The following PGM3 variants were observed in gnomAD, a reference collection of about 807,000 sequenced individuals.
The protein encoded by PGM3 is phosphoglucomutase 3.
In PGM3, 40 loss-of-function variants were observed where a neutral mutation model predicts 66.2. The ratio of observed to expected loss-of-function variants is 0.60; its 90% CI spans 0.47 to 0.79. The LOEUF (loss-of-function observed/expected upper bound fraction) is 0.79, where lower values mean the gene tolerates loss of function less well. Ranked by LOEUF, PGM3 falls within the 30% of genes least tolerant of loss-of-function variation. PGM3 has a pLI of 0.00. For synonymous variants in PGM3, 191 were observed against 224.2 expected (o/e 0.85, Z 1.32); for missense variants, 537 against 643.4 (o/e 0.83, Z 1.79).
intron 12 of PGM3, 57 bp from the exon 13 acceptor site, chr6:83,169,380 G>C: frequency 6.3e-7 from 1 of 1,594,674 alleles, no homozygotes; most frequent in Non-Finnish European, 8.6e-7. Flanking sequence ...GTCTAACATG[G>C]GCAAGACCAT....
In PGM3 at chr6:83,167,675, GTAAAAC is replaced by G; in HGVS notation, c.*1553_*1558del. 7.3e-7 allele frequency: 1 copy of G among 1,374,486 alleles called. No individual in the cohort carries two copies. The allele number at this position is 1,374,486 out of a possible 1,614,324, so 85.1% of individuals were successfully genotyped here. On this transcript the variant is annotated 3_prime_UTR_variant, in exon 13 of 13. Transcript: ENST00000513973. ...TTACTACAATGTTAGACTGCTCCAT[GTAAAAC>G]TAATAAATGGCAGTAAAAGGTCTCA...
In PGM3 at chr6:83,168,991, C is replaced by T. The variant is rs1786478935; in HGVS notation, c.*243G>A. On this transcript the variant is annotated 3_prime_UTR_variant, in exon 13 of 13. Transcript: ENST00000513973. ...GTACAGTTAGTGACTGAATTGTATACTTAAGTCCCAGTATTTTACATTAGT... is the reference window on the plus strand; with the variant it reads ...GTACAGTTAGTGACTGAATTGTATATTTAAGTCCCAGTATTTTACATTAGT... 1 of 1,291,628 alleles carries T rather than the reference C, an allele frequency of 7.7e-7. No individual in the cohort carries two copies. Among genetic ancestry groups the T allele is most frequent in the South Asian group, 2.0e-5 (1 of 50,064 alleles). The allele number at this position is 1,291,628 out of a possible 1,614,324, so 80.0% of individuals were successfully genotyped here. A position where few individuals can be genotyped will look rare whatever the true frequency, so the allele number is the denominator to read the frequency against.
chr6:83,172,089 C>A (rs761613893), intron 10 of PGM3, 30 bp from the exon 11 acceptor site: 1 of 1,610,972 alleles, frequency 6.2e-7, no homozygotes, highest in Non-Finnish European at 8.5e-7. Context: ...TGGAAGAAAC[C>A]ACTTAACACA....
At chr6:83,174,349 A>G in intron 10 of PGM3, 25 bp downstream of exon 10, 1 of 1,146,404 alleles carries the variant, frequency 8.7e-7, no homozygotes, top group Non-Finnish European at 1.3e-6. Flanking sequence ...GGTAACCAAG[A>G]GTCCACTGCC....
chr6:83,160,974 C>CATATAT (rs144188690), downstream of PGM3, among the ~76,000 whole-genome samples: 3 of 149,522 alleles, frequency 2.0e-5, no homozygotes, highest in Non-Finnish European at 4.5e-5. Flanking sequence ...ACTTGAAAAC[C>CATATAT]ATATATATAT....
At position 83,166,306 on chromosome 6, in the gene PGM3, G is replaced by T. The variant is rs956220737; in HGVS notation, c.*2928C>A. The stretch of plus-strand genomic sequence containing the variant: ...TCAGCTTCGATGATGTTCTCAATTG[G>T]TCATTATCAATTTCCGATGACTGGC... On this transcript the variant is annotated 3_prime_UTR_variant, in exon 13 of 13. Transcript: ENST00000513973. The T allele has an allele frequency of 4.7e-6, 3 of 643,198 alleles. No homozygotes were observed. The East Asian group carries it at 8.2e-5, about 18-fold the overall frequency. 39.8% of individuals were successfully genotyped at this position (643,198 alleles called of 1,614,324 possible).
At position 83,182,847 on chromosome 6, in the gene PGM3, G is replaced by T; in HGVS notation, c.589C>A (p.Gln197Lys). ...ACCATGTTCAATAAACTTTTCACCT[G>T]TTTGGTGAGTTCCACAAAAGCCTTA... ...LSKAFVELTK[Q>K]ASCSGDEYRS... is the part of the protein sequence containing the mutation. Residue 197 changes from glutamine (Q) to lysine (K), a missense_variant and splice_region_variant, in exon 5 of 13, where the codon CAG becomes AAG. Gln to Lys is a moderately conservative substitution (Grantham distance 53, BLOSUM62 1). Transcript: ENST00000513973. The T allele has an allele frequency of 6.2e-7, 1 of 1,613,340 alleles. No homozygotes were observed. Among genetic ancestry groups the T allele is most frequent in the Non-Finnish European group, 8.5e-7 (1 of 1,179,504 alleles).
At position 83,165,938 on chromosome 6, in the gene PGM3, G is replaced by A; in HGVS notation, c.*3296C>T. 1 of 382,206 alleles carries A rather than the reference G, an allele frequency of 2.6e-6. No homozygotes were observed. Among genetic ancestry groups the A allele is most frequent in the Non-Finnish European group, 5.2e-6 (1 of 191,552 alleles). 23.7% of individuals were successfully genotyped at this position (382,206 alleles called of 1,614,324 possible). ...AAAGCTGTAGTGGATCAGACTGGCAGCAAACCACCAAACAATGACCATGAC... is the reference window on the plus strand; with the variant it reads ...AAAGCTGTAGTGGATCAGACTGGCAACAAACCACCAAACAATGACCATGAC... On this transcript the variant is annotated 3_prime_UTR_variant, in exon 13 of 13. Coordinates refer to ENST00000513973, the MANE Select transcript of PGM3 (RefSeq NM_015599.3).
downstream of PGM3, among the ~76,000 whole-genome samples, chr6:83,158,192 G>A (rs374145255): frequency 7.2e-5 from 11 of 151,928 alleles, no homozygotes; most frequent in East Asian, 9.7e-4. Context: ...TAGTAAAGAC[G>A]GGGTTTCAGC....
At chr6:83,151,955 C>T in the PGM3 span, 2 of 1,613,618 alleles carry the variant, frequency 1.2e-6, no homozygotes, top group Non-Finnish European at 1.7e-6. Context: ...AACATGGCTG[C>T]GACGAAATCT....
chr6:83,158,990 C>T (rs187809045), downstream of PGM3, among the ~76,000 whole-genome samples: 146 of 152,294 alleles, frequency 9.6e-4, no homozygotes, highest in Non-Finnish European at 6.5e-4. Flanking sequence ...GCAGATCTTC[C>T]AGATGGTCCC....
intron 12 of PGM3, chr6:83,169,567 A>T (rs1786640877): frequency 3.9e-6 from 2 of 515,966 alleles, no homozygotes; most frequent in Admixed American, 3.1e-5. Flanking sequence ...TTATAAAAAT[A>T]GCTATCATTC....
chr6:83,187,997 A>G (rs971552619), intron 3 of PGM3, among the ~76,000 whole-genome samples: 4 of 152,166 alleles, frequency 2.6e-5, no homozygotes, highest in African/African-American at 9.7e-5. Context: ...AGGGTAAAAA[A>G]ACCAGTCCAG....
At chr6:83,158,104 T>C (rs1783237901), downstream of PGM3, among the ~76,000 whole-genome samples, 2 of 152,212 alleles carry the variant, frequency 1.3e-5, no homozygotes, top group South Asian at 4.1e-4. Flanking sequence ...GTTCAGGCCA[T>C]TCTCCTGCCT....
At position 83,170,361 on chromosome 6, in the gene PGM3, C is replaced by CA. The variant is rs758513312; in HGVS notation, c.1482dup (p.Val495CysfsTer28). 1.9e-6 allele frequency: 3 copies of CA among 1,614,172 alleles called. No individual in the cohort carries two copies. Among genetic ancestry groups the CA allele is most frequent in the Non-Finnish European group, 2.5e-6 (3 of 1,180,026 alleles). ...ACATCTTCTGTACCAGAGGGCCGGA[C>CA]AAAAGCTCGAGAAAGCTTGTACTTC... On this transcript the variant is annotated frameshift_variant, in exon 12 of 13. Transcript: ENST00000513973. LOFTEE classifies it high-confidence loss of function.
At chr6:83,177,487 A>G (rs1425367796) in intron 8 of PGM3, among the ~76,000 whole-genome samples, 2 of 152,200 alleles carry the variant, frequency 1.3e-5, no homozygotes, top group Admixed American at 6.5e-5. Context: ...TTACTGAATA[A>G]GTATTAAGCC....
the PGM3 span, among the ~76,000 whole-genome samples, chr6:83,154,913 AG>A: frequency 6.6e-6 from 1 of 152,210 alleles, no homozygotes; most frequent in East Asian, 1.9e-4. Context: ...ATTTGGAAAA[AG>A]GGCAGGATAT....
chr6:83,151,497 A>G, the PGM3 span: 2 of 831,624 alleles, frequency 2.4e-6, no homozygotes, highest in Non-Finnish European at 3.7e-6. Flanking sequence ...GGAAATCAAG[A>G]CCATTAAGCC....
intron 11 of PGM3, among the ~76,000 whole-genome samples, chr6:83,171,546 A>T (rs1372711894): frequency 6.6e-6 from 1 of 152,164 alleles, no homozygotes; most frequent in Non-Finnish European, 1.5e-5. Context: ...GCCAGAGTGC[A>T]ATGGCATAAT....
Sources: gnomAD v4.1 joint callset for allele counts (sites outside exome capture counted in the v4.1 genomes callset) on GRCh38, gnomAD v4.1.1 for gene constraint, MANE v1.5 for transcripts, NCBI Gene and HGNC (gene_info 2026-07-23, HGNC 2026-07-21) for gene names.